Variants in C7 observed in about 807,000 individuals in gnomAD.
C7 encodes complement component C7.
In C7, 83 loss-of-function variants were observed where a neutral mutation model predicts 104.8. That is an observed-to-expected ratio of 0.79 (90% CI 0.66 to 0.95). C7 has a LOEUF of 0.95. Ranked by LOEUF, C7 falls within the 40% of genes least tolerant of loss-of-function variation. The pLI is 0.00. For synonymous variants in C7, 415 were observed against 360.6 expected, an observed-to-expected ratio of 1.15 and a Z score of -1.71; for missense variants, 1,070 against 1,011.2, an observed-to-expected ratio of 1.06 and a Z score of -0.79.
At chr5:40,972,077 T>C (rs1421973629) in intron 14 of C7, 1 of 487,396 alleles carries the variant, frequency 2.1e-6, no homozygotes, top group African/African-American at 2.0e-5. Context: ...AGCACATAAA[T>C]AAGTGACAGC....
chr5:40,917,716 T>C (rs1739350139), intron 1 of C7, among the ~76,000 whole-genome samples: 1 of 152,218 alleles, frequency 6.6e-6, no homozygotes, highest in Non-Finnish European at 1.5e-5. Flanking sequence ...CTATTTAAAA[T>C]AGAAACTTAA....
intron 16 of C7, 130 bp from the exon 17 acceptor site, chr5:40,979,595 C>CT: frequency 1.6e-6 from 1 of 619,170 alleles, no homozygotes; most frequent in Non-Finnish European, 2.6e-6. Flanking sequence ...TGAGTTTCCA[C>CT]CTTTTTTTTT....
At chr5:40,955,700 A>C (rs1457448758) in intron 10 of C7, 147 bp downstream of exon 10, 4 of 620,938 alleles carry the variant, frequency 6.4e-6, no homozygotes, top group Non-Finnish European at 1.1e-5. Context: ...AGTAAAATGA[A>C]TGCACACATA....
At chr5:40,945,455 C>A in intron 7 of C7, 87 bp downstream of exon 7, 2 of 859,680 alleles carry the variant, frequency 2.3e-6, no homozygotes, top group Non-Finnish European at 1.7e-6. Context: ...TCAAAAGGAT[C>A]AGCTTTCATA....
At chr5:40,927,143 T>G (rs1437429915) in intron 1 of C7, among the ~76,000 whole-genome samples, 2 of 151,970 alleles carry the variant, frequency 1.3e-5, no homozygotes, top group East Asian at 3.9e-4. Context: ...GAATACACAA[T>G]GGGGAAAGGA....
chr5:40,958,944 C>T (rs969783608), intron 11 of C7, among the ~76,000 whole-genome samples: 1 of 152,096 alleles, frequency 6.6e-6, no homozygotes, highest in Non-Finnish European at 1.5e-5. Context: ...AAATATAAGA[C>T]TAAACTATAG....
chr5:40,979,974 A>G, intron 17 of C7, 65 bp downstream of exon 17: 1 of 1,414,608 alleles, frequency 7.1e-7, no homozygotes, highest in Non-Finnish European at 9.4e-7. Flanking sequence ...GATTTAAAAA[A>G]TGTGGTTTCT....
At chr5:40,976,398 T>C (rs745903956) in intron 15 of C7, among the ~76,000 whole-genome samples, 4 of 152,238 alleles carry the variant, frequency 2.6e-5, no homozygotes, top group Admixed American at 6.5e-5. Context: ...GTTTGTTAAA[T>C]GTGTGAAGTA....
chr5:40,947,537 G>A (rs1489216278), intron 7 of C7, 65 bp from the exon 8 acceptor site: 7 of 1,562,224 alleles, frequency 4.5e-6, no homozygotes, highest in Non-Finnish European at 6.1e-6. Flanking sequence ...ATTGAACAGA[G>A]AACTATTTCC....
chr5:40,925,326 C>T (rs1739529639), intron 1 of C7, among the ~76,000 whole-genome samples: 2 of 152,138 alleles, frequency 1.3e-5, no homozygotes, highest in African/African-American at 4.8e-5. Flanking sequence ...AAGTTCTTTG[C>T]TAAGACAAAA....
intron 14 of C7, chr5:40,972,174 A>C: frequency 1.9e-6 from 1 of 524,794 alleles, no homozygotes; most frequent in South Asian, 2.1e-5. Flanking sequence ...TTTTGAGGGG[A>C]GGGGTGGGAG....
chr5:40,960,491 G>C (rs1242209985), intron 12 of C7, among the ~76,000 whole-genome samples: 2 of 152,136 alleles, frequency 1.3e-5, no homozygotes. Flanking sequence ...TGTGAACTAT[G>C]GTGGGAAGAG....
intron 10 of C7, among the ~76,000 whole-genome samples, chr5:40,957,520 A>G (rs1296238666): frequency 1.3e-5 from 2 of 152,128 alleles, no homozygotes; most frequent in African/African-American, 4.8e-5. Context: ...CAATGGCATC[A>G]TCTTGGCTCA....
intron 14 of C7, chr5:40,967,480 G>A (rs1291631063): frequency 6.6e-6 from 1 of 152,484 alleles, no homozygotes; most frequent in Non-Finnish European, 1.5e-5. Context: ...TTGCAATGGA[G>A]TGATCTTGGC....
intron 14 of C7, among the ~76,000 whole-genome samples, chr5:40,970,447 A>C (rs946210474): frequency 9.2e-5 from 14 of 152,190 alleles, no homozygotes; most frequent in Admixed American, 7.2e-4. Flanking sequence ...AAGAAAGAAT[A>C]CAGATGAAAA....
intron 9 of C7, among the ~76,000 whole-genome samples, chr5:40,950,963 T>C (rs1454511344): frequency 3.3e-5 from 5 of 152,156 alleles, no homozygotes; most frequent in Admixed American, 6.6e-5. Flanking sequence ...CTGATGGCTA[T>C]TGGGTTCCAT....
intron 1 of C7, among the ~76,000 whole-genome samples, chr5:40,914,349 G>A (rs1320191472): frequency 2.6e-5 from 4 of 152,090 alleles, no homozygotes; most frequent in African/African-American, 9.7e-5. Flanking sequence ...GTTTCTTGTA[G>A]ATTCTGGATA....
rs370516305 is a variant in C7 at position 40,981,220 on chromosome 5, C to A, written c.2351-172C>A. Reference sequence around the variant, plus strand: ...CAAAACCTATTTCTTTGGAGTGGAGCAAAATGCCCCAATTTCCTGGTCCTA... The same window carrying A: ...CAAAACCTATTTCTTTGGAGTGGAGAAAAATGCCCCAATTTCCTGGTCCTA... On this transcript the variant is annotated intron_variant, in intron 17 of 17. Transcript: ENST00000313164. Among the ~76,000 whole-genome samples, 11 of 152,270 alleles carry A rather than the reference C, an allele frequency of 7.2e-5. No individual in the cohort carries two copies. In the East Asian group the frequency reaches 1.9e-3, roughly 27 times the overall value.
At chr5:40,930,989 T>C (rs1739669722) in intron 2 of C7, 75 bp from the exon 3 acceptor site, 1 of 989,356 alleles carries the variant, frequency 1.0e-6, no homozygotes, top group African/African-American at 1.6e-5. Flanking sequence ...TATTTTTGAC[T>C]GTTTTCACTA....
Sources: allele counts gnomAD v4.1 joint callset (sites outside exome capture counted in the v4.1 genomes callset), GRCh38; gene constraint gnomAD v4.1.1; transcripts MANE v1.5; gene names NCBI Gene and HGNC (gene_info 2026-07-23, HGNC 2026-07-21).